The following SYNPO2 variants were observed in gnomAD, a reference collection of about 807,000 sequenced individuals.
SYNPO2 encodes synaptopodin 2.
In SYNPO2, 56 loss-of-function variants were observed where a neutral mutation model predicts 85.0. The ratio of observed to expected loss-of-function variants is 0.66; its 90% CI spans 0.53 to 0.82. SYNPO2 has a LOEUF of 0.82. Ranked by LOEUF, SYNPO2 falls within the 40% of genes least tolerant of loss-of-function variation. The probability of loss-of-function intolerance (pLI) is 0.00; values close to 1 mark genes in which losing one functional copy is unlikely to be tolerated. For missense variants in SYNPO2, 1,575 were observed against 1,534.2 expected (o/e 1.03, Z -0.44); for synonymous variants, 602 against 591.1 (o/e 1.02, Z -0.27).
At chr4:118,940,969 C>G (rs1276378175) in intron 1 of SYNPO2, among the ~76,000 whole-genome samples, 1 of 152,194 alleles carries the variant, frequency 6.6e-6, no homozygotes. Flanking sequence ...GCTGCCGTTA[C>G]TGTTCCTTGT....
At chr4:118,991,408 A>G (rs1205336493) in intron 1 of SYNPO2, among the ~76,000 whole-genome samples, 1 of 151,832 alleles carries the variant, frequency 6.6e-6, no homozygotes. Flanking sequence ...TCAGCCTCCC[A>G]AAGTGTTGGG....
chr4:118,955,391 G>A (rs184778453), intron 1 of SYNPO2, among the ~76,000 whole-genome samples: 205 of 152,268 alleles, frequency 1.3e-3, no homozygotes, highest in African/African-American at 4.6e-3. Flanking sequence ...TCAGCAATAT[G>A]AACTGTCCCA....
chr4:118,885,262 A>G (rs951224947), upstream of SYNPO2, among the ~76,000 whole-genome samples: 4 of 152,160 alleles, frequency 2.6e-5, no homozygotes, highest in Admixed American at 6.5e-5. Flanking sequence ...GAAGATTTGA[A>G]CTATAGGAAA....
intron 1 of SYNPO2, among the ~76,000 whole-genome samples, chr4:118,966,028 C>T (rs1015729309): frequency 6.6e-6 from 1 of 152,060 alleles, no homozygotes; most frequent in Admixed American, 6.6e-5. Flanking sequence ...GCACTCCAGC[C>T]TGGGTGACAC....
At chr4:118,878,968 C>G (rs993256449) in intron 1 of SYNPO2, among the ~76,000 whole-genome samples, 3 of 152,320 alleles carry the variant, frequency 2.0e-5, no homozygotes, top group African/African-American at 4.8e-5. Context: ...CTGTAACACT[C>G]ACTGCGAAGG....
intron 1 of SYNPO2, among the ~76,000 whole-genome samples, chr4:118,852,958 A>G (rs1392891723): frequency 6.6e-6 from 1 of 152,212 alleles, no homozygotes; most frequent in Non-Finnish European, 1.5e-5. Flanking sequence ...TATTACCATC[A>G]ATTTCATCAG....
intron 1 of SYNPO2, among the ~76,000 whole-genome samples, chr4:118,905,877 A>T (rs1338114998): frequency 6.6e-6 from 1 of 152,086 alleles, no homozygotes; most frequent in Non-Finnish European, 1.5e-5. Flanking sequence ...TGATACTTAG[A>T]TATTATTGTT....
chr4:118,961,099 G>GCCCCCCCCCCCCCCCCC (rs60796554), intron 1 of SYNPO2, among the ~76,000 whole-genome samples: 1 of 94,618 alleles, frequency 1.1e-5, no homozygotes, highest in African/African-American at 4.4e-5. Flanking sequence ...CTATTTTACC[G>GCCCCCCCCCCCCCCCCC]CCCCCCCCCC....
At chr4:118,996,646 AG>A (rs1377003319) in intron 1 of SYNPO2, among the ~76,000 whole-genome samples, 1 of 151,986 alleles carries the variant, frequency 6.6e-6, no homozygotes, top group African/African-American at 2.4e-5. Flanking sequence ...TCATGAGGTC[AG>A]GAGATTGAGA....
At chr4:118,988,189 C>T (rs1009691890) in intron 1 of SYNPO2, among the ~76,000 whole-genome samples, 4 of 152,234 alleles carry the variant, frequency 2.6e-5, no homozygotes, top group Admixed American at 6.5e-5. Flanking sequence ...TTTGCCAGTA[C>T]TTCTAACATT....
At chr4:118,940,481 G>A (rs191587725) in intron 1 of SYNPO2, among the ~76,000 whole-genome samples, 3 of 125,284 alleles carry the variant, frequency 2.4e-5, no homozygotes, top group African/African-American at 8.0e-5. Flanking sequence ...ACTTGTGAAA[G>A]CATGCAAGCT....
chr4:119,030,191 AAAG>A lies in SYNPO2; in HGVS notation c.1419_1421del (p.Lys474del). The stretch of plus-strand genomic sequence containing the variant: ...GGGATTCTGGACTGGTGGACATTGA[AAAG>A]AAACTGAACAGAGGGGACAAGATGG... On this transcript the variant is annotated inframe_deletion, in exon 4 of 5. Coordinates refer to ENST00000307142, the MANE Select transcript of SYNPO2 (RefSeq NM_133477.3). The A allele has an allele frequency of 3.7e-6, 6 of 1,614,124 alleles. No homozygotes were observed. Among genetic ancestry groups the A allele is most frequent in the Non-Finnish European group, 5.1e-6 (6 of 1,180,014 alleles).
intron 1 of SYNPO2, among the ~76,000 whole-genome samples, chr4:118,965,924 T>A (rs1185481436): frequency 2.4e-5 from 3 of 124,546 alleles, no homozygotes; most frequent in Admixed American, 9.1e-5. Flanking sequence ...ACTACAAGAT[T>A]TTTTTTAAAA....
At chr4:118,968,018 C>T (rs1479868154) in intron 1 of SYNPO2, among the ~76,000 whole-genome samples, 2 of 152,168 alleles carry the variant, frequency 1.3e-5, no homozygotes, top group African/African-American at 2.4e-5. Flanking sequence ...TTTCAAATAA[C>T]ATAGCTTAGT....
chr4:119,046,106 G>T (rs1738860631), intron 4 of SYNPO2, among the ~76,000 whole-genome samples: 1 of 152,094 alleles, frequency 6.6e-6, no homozygotes, highest in African/African-American at 2.4e-5. Flanking sequence ...CAAAATGGAG[G>T]CCATAAGGTT....
In SYNPO2 at chr4:118,895,945, AAT is replaced by A. The variant is rs200008231; in HGVS notation, c.105+6809_105+6810del. On this transcript the variant is annotated intron_variant, in intron 1 of 4. Coordinates refer to ENST00000307142, the MANE Select transcript of SYNPO2 (RefSeq NM_133477.3). ...TCTTATAATTTCCAAAGTGTGTCTT[AAT>A]ATATGTTATCTCTTTTAATATTAAT... 1.0e-3 allele frequency among the ~76,000 whole-genome samples: 154 copies of A among 152,320 alleles called. No homozygotes were observed. The East Asian group carries it at 0.022, about 22-fold the overall frequency.
At chr4:118,914,633 A>C (rs1374878600) in intron 1 of SYNPO2, among the ~76,000 whole-genome samples, 1 of 152,128 alleles carries the variant, frequency 6.6e-6, no homozygotes, top group Non-Finnish European at 1.5e-5. Context: ...TAGGGATGGA[A>C]GCCACATAAT....
At chr4:119,010,022 T>G (rs902059939) in intron 1 of SYNPO2, among the ~76,000 whole-genome samples, 9 of 152,226 alleles carry the variant, frequency 5.9e-5, no homozygotes, top group Admixed American at 5.9e-4. Context: ...TTTGTAAGGT[T>G]ACACCTGTCA....
intron 1 of SYNPO2, among the ~76,000 whole-genome samples, chr4:118,968,918 C>G (rs1735417168): frequency 6.6e-6 from 1 of 152,148 alleles, no homozygotes; most frequent in Admixed American, 6.5e-5. Context: ...GATTATAAAT[C>G]TAACTGCTAA....
Sources: allele counts gnomAD v4.1 joint callset (sites outside exome capture counted in the v4.1 genomes callset), GRCh38; gene constraint gnomAD v4.1.1; transcripts MANE v1.5; gene names NCBI Gene and HGNC (gene_info 2026-07-23, HGNC 2026-07-21).